Variants in CLPSL1 observed in about 807,000 individuals in gnomAD.
CLPSL1 encodes colipase like 1.
A neutral mutation model predicts 9.3 loss-of-function variants in CLPSL1; 13 were observed. The ratio of observed to expected loss-of-function variants is 1.40; its 90% CI spans 0.91 to 2.22. CLPSL1 has a LOEUF of 2.22. Ranked by LOEUF, CLPSL1 falls within the 30% of genes most tolerant of loss-of-function variation. The pLI, the probability that CLPSL1 is intolerant of heterozygous loss-of-function variation, is 0.00. For synonymous variants in CLPSL1, 58 were observed against 56.9 expected (o/e 1.02, Z -0.08); for missense variants, 164 against 146.6 (o/e 1.12, Z -0.61).
downstream of CLPSL1, among the ~76,000 whole-genome samples, chr6:35,790,499 A>C (rs1768165480): frequency 6.6e-6 from 1 of 152,258 alleles, no homozygotes; most frequent in Non-Finnish European, 1.5e-5. Flanking sequence ...ACCGATTTTT[A>C]TTCAGAATGT....
chr6:35,781,726 GTGTT>G (rs1203831646), intron 1 of CLPSL1, among the ~76,000 whole-genome samples: 1 of 124,566 alleles, frequency 8.0e-6, no homozygotes, highest in African/African-American at 3.7e-5. Context: ...GGGTTTGCAG[GTGTT>G]TTTTTTTTTT....
chr6:35,792,845 T>C (rs1768246720), downstream of CLPSL1, among the ~76,000 whole-genome samples: 1 of 152,264 alleles, frequency 6.6e-6, no homozygotes, highest in Non-Finnish European at 1.5e-5. Flanking sequence ...TCAGCCCTGC[T>C]CAGGGCCTGA....
exon 2 of CLPSL1, chr6:35,793,574 G>T (rs759438971): frequency 6.4e-6 from 3 of 471,608 alleles, no homozygotes; most frequent in African/African-American, 4.0e-5. Flanking sequence ...CAACCTTGAA[G>T]AGAAGGTCAA....
intron 1 of CLPSL1, among the ~76,000 whole-genome samples, chr6:35,786,095 T>C (rs2151060988): frequency 6.6e-6 from 1 of 152,044 alleles, no homozygotes; most frequent in African/African-American, 2.4e-5. Context: ...CGAAACCCCG[T>C]CTCTACTAAA....
downstream of CLPSL1, among the ~76,000 whole-genome samples, chr6:35,791,805 C>T (rs1207418817): frequency 2.6e-5 from 4 of 152,160 alleles, no homozygotes; most frequent in African/African-American, 9.6e-5. Flanking sequence ...TGGAGGCTCA[C>T]ACCTATAATC....
At chr6:35,789,096 C>A (rs1464821888), downstream of CLPSL1, among the ~76,000 whole-genome samples, 1 of 152,262 alleles carries the variant, frequency 6.6e-6, no homozygotes, top group African/African-American at 2.4e-5. Flanking sequence ...CTAAATGTAT[C>A]AGACAGATAA....
At chr6:35,787,357 T>C (rs555849750) in intron 2 of CLPSL1, among the ~76,000 whole-genome samples, 1 of 152,398 alleles carries the variant, frequency 6.6e-6, no homozygotes, top group African/African-American at 2.4e-5. Context: ...ATGTTTCACT[T>C]TCTAATGTGG....
intron 1 of CLPSL1, among the ~76,000 whole-genome samples, chr6:35,783,328 T>A (rs903388034): frequency 2.6e-5 from 4 of 151,868 alleles, no homozygotes; most frequent in Non-Finnish European, 5.9e-5. Flanking sequence ...CTGACCAACA[T>A]GGTGAAAGCC....
downstream of CLPSL1, among the ~76,000 whole-genome samples, chr6:35,791,406 C>T (rs540004382): frequency 7.9e-5 from 12 of 152,226 alleles, no homozygotes; most frequent in African/African-American, 2.4e-5. Context: ...GTCAGGAGTT[C>T]GAGACCAGCC....
chr6:35,784,085 C>T (rs1192384764), intron 1 of CLPSL1, among the ~76,000 whole-genome samples: 1 of 151,846 alleles, frequency 6.6e-6, no homozygotes, highest in African/African-American at 2.4e-5. Flanking sequence ...GTATAGCTTG[C>T]TTTTATACAC....
At chr6:35,783,341 T>C (rs1330355868) in intron 1 of CLPSL1, among the ~76,000 whole-genome samples, 1 of 152,112 alleles carries the variant, frequency 6.6e-6, no homozygotes, top group Non-Finnish European at 1.5e-5. Context: ...TGAAAGCCCA[T>C]CTCTACTAAA....
At chr6:35,790,844 C>T (rs556657798), downstream of CLPSL1, among the ~76,000 whole-genome samples, 1 of 152,354 alleles carries the variant, frequency 6.6e-6, no homozygotes, top group South Asian at 2.1e-4. Flanking sequence ...TATTCTCATC[C>T]AGCCTGGGCA....
Position 35,781,060 on chromosome 6 carries a change from C to A in CLPSL1, c.-51C>A. ...GCTGGGAGGACACCCACATGGTCGG[C>A]GTGCAGGATATTTCGCTGGACCCTA... On this transcript the variant is annotated 5_prime_UTR_variant, in exon 1 of 3. Coordinates refer to ENST00000373861, the MANE Select transcript of CLPSL1 (RefSeq NM_001010886.5). The A allele has an allele frequency of 1.2e-6, 2 of 1,603,610 alleles. No homozygotes were observed. The highest frequency in any genetic ancestry group is 1.7e-6 in the Non-Finnish European group (2 of 1,174,824).
At position 35,786,993 on chromosome 6, in the gene CLPSL1, T is replaced by C. The variant is rs1768088380; in HGVS notation, c.100-5T>C. On this transcript the variant is annotated splice_region_variant and splice_polypyrimidine_tract_variant and intron_variant, in intron 1 of 2. Coordinates refer to ENST00000373861, the MANE Select transcript of CLPSL1 (RefSeq NM_001010886.5). ...AGCCTGGCGGTGCCGTGTCCCTCCC[T>C]GCAGGAGCTCAAGGAGTCTTGCATC... 6.4e-7 allele frequency: 1 copy of C among 1,572,972 alleles called. No individual in the cohort carries two copies. Among genetic ancestry groups the C allele is most frequent in the African/African-American group, 1.3e-5 (1 of 74,624 alleles).
rs1477717638 is a variant in CLPSL1 at position 35,783,516 on chromosome 6, A to G, written c.99+2307A>G. On this transcript the variant is annotated intron_variant, in intron 1 of 2. Coordinates refer to ENST00000373861, the MANE Select transcript of CLPSL1 (RefSeq NM_001010886.5). Reference sequence around the variant, plus strand: ...TAGAGTGAGACTTTGTCTCAAAAAAAAAAAGGGGGGCTGGGCGCGGTGGCT... The same window carrying G: ...TAGAGTGAGACTTTGTCTCAAAAAAGAAAAGGGGGGCTGGGCGCGGTGGCT... 7.2e-5 allele frequency among the ~76,000 whole-genome samples: 11 copies of G among 151,826 alleles called. No homozygotes were observed. The East Asian group carries it at 2.1e-3, about 29-fold the overall frequency.
downstream of CLPSL1, among the ~76,000 whole-genome samples, chr6:35,788,999 G>A (rs1768142370): frequency 6.6e-6 from 1 of 152,294 alleles, no homozygotes; most frequent in Non-Finnish European, 1.5e-5. Flanking sequence ...GAGTTTGGAG[G>A]TAAACTATGG....
chr6:35,786,132 G>A (rs1768068703), intron 1 of CLPSL1, among the ~76,000 whole-genome samples: 1 of 152,116 alleles, frequency 6.6e-6, no homozygotes, highest in African/African-American at 2.4e-5. Context: ...AGGCATGGTG[G>A]CGCACGGCTG....
rs1561941362 is a variant in CLPSL1, at chr6:35,787,136, C to T, written c.222+16C>T. On this transcript the variant is annotated intron_variant, in intron 2 of 2. Transcript: ENST00000373861. ...TCAAACGCAGGTGGGTATCGCCGCC[C>T]GGGGGGAGCCAGAGGGGATCCAGGG... 1.9e-6 allele frequency: 3 copies of T among 1,610,526 alleles called. No individual in the cohort carries two copies. Among genetic ancestry groups the T allele is most frequent in the South Asian group, 1.1e-5 (1 of 90,226 alleles).
intron 1 of CLPSL1, among the ~76,000 whole-genome samples, chr6:35,783,801 ATC>A (rs1768017037): frequency 1.5e-5 from 2 of 134,740 alleles, no homozygotes; most frequent in Non-Finnish European, 3.1e-5. Context: ...GCGAGACTCT[ATC>A]TCCAAAAAAA....
Sources: allele counts gnomAD v4.1 joint callset (sites outside exome capture counted in the v4.1 genomes callset), GRCh38; gene constraint gnomAD v4.1.1; transcripts MANE v1.5; gene names NCBI Gene and HGNC (gene_info 2026-07-23, HGNC 2026-07-21).